Variants in CELF2 observed in about 807,000 individuals in gnomAD.
The protein encoded by CELF2 is CUG triplet repeat RNA-binding protein 2.
In CELF2, 8 loss-of-function variants were observed where a neutral mutation model predicts 62.6. The observed-to-expected ratio is 0.13, with a 90% CI of 0.07 to 0.23. The LOEUF is 0.23. CELF2 is among the 10% of genes least tolerant of loss of function. The pLI, the probability that CELF2 is intolerant of heterozygous loss-of-function variation, is 1.00. For synonymous variants in CELF2, 258 were observed against 250.0 expected (o/e 1.03, Z -0.30); for missense variants, 333 against 671.0 (o/e 0.50, Z 5.56).
intron 1 of CELF2, among the ~76,000 whole-genome samples, chr10:11,078,034 G>A (rs963635652): frequency 2.6e-5 from 4 of 152,118 alleles, no homozygotes; most frequent in Non-Finnish European, 5.9e-5. Context: ...GCGTAGGTAG[G>A]CTAGAGCAGA....
At chr10:10,650,763 G>C in the CELF2 span, among the ~76,000 whole-genome samples, 1 of 152,208 alleles carries the variant, frequency 6.6e-6, no homozygotes, top group African/African-American at 2.4e-5. Flanking sequence ...TTTGGAAAAA[G>C]TTTTAGCGTT....
chr10:10,966,326 G>A (rs2050118535), intron 2 of CELF2, among the ~76,000 whole-genome samples: 1 of 152,240 alleles, frequency 6.6e-6, no homozygotes, highest in East Asian at 1.9e-4. Context: ...GTCAATGAGT[G>A]TGGTACAGTG....
chr10:10,720,142 G>A, the CELF2 span, among the ~76,000 whole-genome samples: 5 of 152,148 alleles, frequency 3.3e-5, no homozygotes, highest in African/African-American at 1.2e-4. Context: ...CTGGGGCTCT[G>A]CCCTTGACTA....
At chr10:10,658,480 A>G in the CELF2 span, among the ~76,000 whole-genome samples, 20,343 of 152,226 alleles carry the variant, frequency 0.13, 1,578 homozygotes, top group Non-Finnish European at 0.18. Flanking sequence ...AAGTCAACAT[A>G]AATCTATACA....
intron 1 of CELF2, among the ~76,000 whole-genome samples, chr10:10,889,491 A>G (rs1375608016): frequency 2.0e-5 from 3 of 152,210 alleles, no homozygotes. Context: ...CTTCATTAAA[A>G]TCAGAGGTTT....
the CELF2 span, among the ~76,000 whole-genome samples, chr10:10,719,792 GAGGTAAAACCATTAGCAT>G: frequency 6.6e-6 from 1 of 152,146 alleles, no homozygotes; most frequent in African/African-American, 2.4e-5. Context: ...AGGCTCAATA[GAGGTAAAACCATTAGCAT>G]AGCCTCCAGT....
intron 2 of CELF2, among the ~76,000 whole-genome samples, chr10:11,176,248 T>A (rs573818759): frequency 6.6e-6 from 1 of 152,316 alleles, no homozygotes; most frequent in South Asian, 2.1e-4. Context: ...GAGGCTAAAG[T>A]TTCACTGATG....
At chr10:10,551,976 T>C in the CELF2 span, among the ~76,000 whole-genome samples, 1 of 152,188 alleles carries the variant, frequency 6.6e-6, no homozygotes, top group African/African-American at 2.4e-5. Context: ...CCTTATTATT[T>C]TTAAATACCC....
In CELF2 at chr10:11,268,054, G is replaced by C. The variant is rs181179398; in HGVS notation, c.618+1377G>C. Among the ~76,000 whole-genome samples the C allele has an allele frequency of 7.2e-4, 109 of 152,180 alleles. No homozygotes were observed. Among genetic ancestry groups the C allele is most frequent in the African/African-American group, 2.6e-3 (106 of 41,526 alleles). On this transcript the variant is annotated intron_variant, in intron 6 of 12. Transcript: ENST00000633077. The surrounding 1 kb of genome is among the most constrained non-coding windows in gnomAD (Gnocchi z 4.7). ...TGATAGGCGATAATGAGCAGGATTT[G>C]GAATGTCTAGGAAGCTAATCTTGTC...
At chr10:11,067,981 T>C (rs1564599796) in intron 1 of CELF2, among the ~76,000 whole-genome samples, 1 of 152,156 alleles carries the variant, frequency 6.6e-6, no homozygotes, top group Non-Finnish European at 1.5e-5. Flanking sequence ...GATCACACAG[T>C]AGGGGATGGG....
At chr10:10,999,708 A>G (rs2054330360) in intron 2 of CELF2, among the ~76,000 whole-genome samples, 1 of 152,242 alleles carries the variant, frequency 6.6e-6, no homozygotes, top group Non-Finnish European at 1.5e-5. Context: ...ACGTGATCAT[A>G]TGAATTGCCA....
At chr10:11,038,984 T>C (rs1216183747) in intron 1 of CELF2, among the ~76,000 whole-genome samples, 1 of 152,174 alleles carries the variant, frequency 6.6e-6, no homozygotes, top group Non-Finnish European at 1.5e-5. Context: ...AAGCCAGCAG[T>C]CTTCTTGTTT....
the CELF2 span, among the ~76,000 whole-genome samples, chr10:10,536,828 T>C: frequency 1.3e-5 from 2 of 152,218 alleles, no homozygotes; most frequent in Admixed American, 1.3e-4. Context: ...ATGAAGCAGC[T>C]CGGGCTGGAG....
chr10:10,908,137 G>A (rs923801525), intron 1 of CELF2, among the ~76,000 whole-genome samples: 10 of 150,622 alleles, frequency 6.6e-5, no homozygotes, highest in African/African-American at 2.2e-4. Flanking sequence ...CTGACCCTCG[G>A]GGAGCCTCAC....
rs184545412 is a variant in CELF2, at chr10:11,321,695, C to T, written c.1294+309C>T. On this transcript the variant is annotated intron_variant, in intron 11 of 12. Transcript: ENST00000633077. This position sits in a 1 kb window ranked among gnomAD's most constrained non-coding sequence, Gnocchi z 6.2. ...GGGGAACACAGACATACCCCTCTCTCTCAAACAAAAGCAAAAACCTATTTA... is the reference window on the plus strand; with the variant it reads ...GGGGAACACAGACATACCCCTCTCTTTCAAACAAAAGCAAAAACCTATTTA... 3.9e-4 allele frequency among the ~76,000 whole-genome samples: 60 copies of T among 152,282 alleles called. No individual in the cohort carries two copies. The highest frequency in any genetic ancestry group is 1.3e-3 in the African/African-American group (55 of 41,552).
At position 11,268,926 on chromosome 10, in the gene CELF2, A is replaced by G. The variant is rs1454234255; in HGVS notation, c.619-1740A>G. On this transcript the variant is annotated intron_variant, in intron 6 of 12. Transcript: ENST00000633077. This position sits in a 1 kb window ranked among gnomAD's most constrained non-coding sequence, Gnocchi z 4.7. Reference sequence around the variant, plus strand: ...GCCTTCTGTTTCTCCACTTGCCTTCACTCTATCCCTGCCCTGTGTTTCATG... The same window carrying G: ...GCCTTCTGTTTCTCCACTTGCCTTCGCTCTATCCCTGCCCTGTGTTTCATG... 6.6e-6 allele frequency among the ~76,000 whole-genome samples: 1 copy of G among 152,032 alleles called. No homozygotes were observed. Among genetic ancestry groups the G allele is most frequent in the East Asian group, 1.9e-4 (1 of 5,192 alleles).
intron 2 of CELF2, among the ~76,000 whole-genome samples, chr10:10,967,735 C>T (rs2050285742): frequency 2.0e-5 from 3 of 151,866 alleles, no homozygotes; most frequent in Non-Finnish European, 2.9e-5. Flanking sequence ...GAAGCAAGAC[C>T]TGGGAGCAAA....
At chr10:10,800,001 C>T (rs905033370) in intron 1 of CELF2, among the ~76,000 whole-genome samples, 21 of 152,250 alleles carry the variant, frequency 1.4e-4, no homozygotes, top group Non-Finnish European at 8.8e-5. Context: ...GAGAAATGTG[C>T]GGACGTTACT....
chr10:10,564,532 C>T, the CELF2 span, among the ~76,000 whole-genome samples: 1 of 151,990 alleles, frequency 6.6e-6, no homozygotes, highest in Non-Finnish European at 1.5e-5. Flanking sequence ...GGGACAAAGA[C>T]AAAAGTGTTG....
Sources: allele counts gnomAD v4.1 joint callset (sites outside exome capture counted in the v4.1 genomes callset), GRCh38; gene constraint gnomAD v4.1.1; non-coding constraint Gnocchi (gnomAD v3.1); transcripts MANE v1.5; gene names NCBI Gene and HGNC (gene_info 2026-07-23, HGNC 2026-07-21).